ITGA9: variants seen among roughly 807,000 people sequenced by gnomAD.
The protein encoded by ITGA9 is integrin alpha-9.
In ITGA9, 56 loss-of-function variants were observed where a neutral mutation model predicts 127.8. The ratio of observed to expected loss-of-function variants is 0.44; its 90% CI spans 0.35 to 0.55. The LOEUF (loss-of-function observed/expected upper bound fraction) is 0.55. ITGA9 is among the 20% of genes least tolerant of loss of function. ITGA9 has a pLI of 0.00. For missense variants in ITGA9, 1,196 were observed against 1,347.1 expected, an observed-to-expected ratio of 0.89 and a Z score of 1.76; for synonymous variants, 508 against 514.5, an observed-to-expected ratio of 0.99 and a Z score of 0.17.
At chr3:37,818,542 C>G (rs1393048310) in intron 27 of ITGA9, 7 of 317,138 alleles carry the variant, frequency 2.2e-5, no homozygotes, top group African/African-American at 1.1e-4. Flanking sequence ...GGATTACAGG[C>G]GTGAGCCACT....
intron 1 of ITGA9, among the ~76,000 whole-genome samples, chr3:37,469,182 T>A (rs1698402354): frequency 6.6e-6 from 1 of 152,216 alleles, no homozygotes; most frequent in Non-Finnish European, 1.5e-5. Context: ...CTTGCCCCTT[T>A]CCTGTAGCCG....
At chr3:37,708,676 T>TATCCAACAATGCACAGGACAGCTCCCCAC (rs1701039916) in intron 18 of ITGA9, among the ~76,000 whole-genome samples, 6 of 17,388 alleles carry the variant, frequency 3.5e-4, no homozygotes, top group Non-Finnish European at 6.5e-4. Flanking sequence ...CAGCTCCCCA[T>TATCCAACAATGCACAGGACAGCTCCCCAC]ACAACAAAGA....
At chr3:37,687,582 A>G (rs980703563) in intron 18 of ITGA9, among the ~76,000 whole-genome samples, 20 of 152,352 alleles carry the variant, frequency 1.3e-4, no homozygotes, top group Non-Finnish European at 2.9e-5. Flanking sequence ...GAAATTTTTA[A>G]TTTTAAGGAT....
At chr3:37,745,899 C>T (rs182856763) in intron 22 of ITGA9, 1 of 152,324 alleles carries the variant, frequency 6.6e-6, no homozygotes, top group East Asian at 1.9e-4. Context: ...AGATAAACTC[C>T]TCCGTGATCC....
chr3:37,659,222 C>T (rs553158213), intron 17 of ITGA9, among the ~76,000 whole-genome samples: 29 of 152,180 alleles, frequency 1.9e-4, no homozygotes, highest in African/African-American at 7.0e-4. Context: ...GAATGTTAGC[C>T]TGTCTTTCTA....
intron 15 of ITGA9, among the ~76,000 whole-genome samples, chr3:37,587,286 G>C (rs1210162748): frequency 6.6e-6 from 1 of 152,190 alleles, no homozygotes; most frequent in Non-Finnish European, 1.5e-5. Context: ...CTCCAGAACT[G>C]AGTATGCAAC....
rs1700208651 is a variant in ITGA9, at chr3:37,629,407, G to T, written c.1839+71G>T. 1 of 1,569,686 alleles carries T rather than the reference G, an allele frequency of 6.4e-7. No individual in the cohort carries two copies. Among genetic ancestry groups the T allele is most frequent in the African/African-American group, 1.3e-5 (1 of 74,202 alleles). ...ACAGAGCAGAAATAATGGCCCAAAA[G>T]TTGAGAGAGCCGTGGGCCTGGCTGC... On this transcript the variant is annotated intron_variant, in intron 16 of 27. Coordinates refer to ENST00000264741, the MANE Select transcript of ITGA9 (RefSeq NM_002207.3). The surrounding 1 kb of genome is among the most constrained non-coding windows in gnomAD (Gnocchi z 4.5).
intron 15 of ITGA9, among the ~76,000 whole-genome samples, chr3:37,566,440 C>T (rs571905161): frequency 1.5e-4 from 23 of 152,286 alleles, no homozygotes; most frequent in South Asian, 6.2e-4. Context: ...ACCCTTTACC[C>T]GGCTTTTCCC....
chr3:37,716,301 G>T (rs560411796), intron 18 of ITGA9, among the ~76,000 whole-genome samples: 306 of 152,126 alleles, frequency 2.0e-3, no homozygotes, highest in African/African-American at 7.1e-3. Flanking sequence ...TTTACATCCC[G>T]CCCATACTCT....
intron 23 of ITGA9, chr3:37,753,618 C>T (rs911240052): frequency 3.3e-5 from 5 of 152,198 alleles, no homozygotes; most frequent in African/African-American, 9.7e-5. Flanking sequence ...TTCCGTATGC[C>T]TTCTGCAGAT....
chr3:37,819,262 G>T lies in ITGA9; in HGVS notation c.*273G>T. The T allele has an allele frequency of 1.9e-6, 1 of 519,166 alleles. No homozygotes were observed. Among genetic ancestry groups the T allele is most frequent in the Non-Finnish European group, 3.5e-6 (1 of 289,482 alleles). The allele number at this position is 519,166 out of a possible 1,614,324, so 32.2% of individuals were successfully genotyped here. A position where few individuals can be genotyped will look rare whatever the true frequency, so the allele number is the denominator to read the frequency against. ...CAATATTTATGGATGCAACACGCAT[G>T]GTCAACCCTCAGGGGAAAACTGTTA... On this transcript the variant is annotated 3_prime_UTR_variant, in exon 28 of 28. Transcript: ENST00000264741.
intron 16 of ITGA9, among the ~76,000 whole-genome samples, chr3:37,642,401 G>T (rs941501755): frequency 1.3e-5 from 2 of 152,210 alleles, no homozygotes; most frequent in African/African-American, 4.8e-5. Flanking sequence ...AGAGAACCTG[G>T]CCTATAGTGG....
At chr3:37,758,336 A>AAAAAAAG (rs1696681002) in intron 23 of ITGA9, among the ~76,000 whole-genome samples, 1 of 145,124 alleles carries the variant, frequency 6.9e-6, no homozygotes, top group Admixed American at 6.7e-5. Context: ...TCTCAAAAAA[A>AAAAAAAG]AAAAAAAAAA....
chr3:37,776,939 C>T (rs1308292710), intron 23 of ITGA9, among the ~76,000 whole-genome samples: 3 of 152,216 alleles, frequency 2.0e-5, no homozygotes, highest in East Asian at 1.9e-4. Flanking sequence ...TTGAAAACCT[C>T]TGGCAGCAGA....
At chr3:37,481,008 C>T (rs1698546213) in intron 3 of ITGA9, among the ~76,000 whole-genome samples, 1 of 152,150 alleles carries the variant, frequency 6.6e-6, no homozygotes, top group African/African-American at 2.4e-5. Flanking sequence ...CAACCTTGGC[C>T]GCCTCTTTGA....
At chr3:37,703,440 T>G (rs928933811) in intron 18 of ITGA9, among the ~76,000 whole-genome samples, 1 of 152,230 alleles carries the variant, frequency 6.6e-6, no homozygotes, top group African/African-American at 2.4e-5. Flanking sequence ...ATGCTAAGTT[T>G]TTAGTCTTCT....
intron 26 of ITGA9, among the ~76,000 whole-genome samples, chr3:37,795,629 G>A (rs1697162627): frequency 6.6e-6 from 1 of 152,146 alleles, no homozygotes. Context: ...AGCGTCCAGT[G>A]TGTGAGCCCT....
At chr3:37,643,840 C>T (rs1237264255) in intron 16 of ITGA9, among the ~76,000 whole-genome samples, 1 of 152,126 alleles carries the variant, frequency 6.6e-6, no homozygotes, top group Non-Finnish European at 1.5e-5. Flanking sequence ...TGCTGGGATC[C>T]TCTCTGGTTT....
In ITGA9 at chr3:37,480,637, T is replaced by A. The variant is rs549921220; in HGVS notation, c.421-847T>A. ...GTAAGTTTCCATAAAAAAACAACTC[T>A]CCACACACATTTACTTCTAGTTAAT... On this transcript the variant is annotated intron_variant, in intron 3 of 27. Transcript: ENST00000264741. Among the ~76,000 whole-genome samples, 147 of 152,300 alleles carry A rather than the reference T, an allele frequency of 9.7e-4. No individual in the cohort carries two copies. In the Middle Eastern group the frequency reaches 0.01, roughly 11 times the overall value.
Sources: allele counts gnomAD v4.1 joint callset (sites outside exome capture counted in the v4.1 genomes callset), GRCh38; gene constraint gnomAD v4.1.1; non-coding constraint Gnocchi (gnomAD v3.1); transcripts MANE v1.5; gene names NCBI Gene and HGNC (gene_info 2026-07-23, HGNC 2026-07-21).